The following KCTD8 variants were observed in gnomAD, a reference collection of about 807,000 sequenced individuals.
KCTD8 encodes the protein potassium channel tetramerization domain containing 8, also known as BTB/POZ domain-containing protein KCTD8.
A neutral mutation model predicts 31.5 loss-of-function variants in KCTD8; 27 were observed. The observed-to-expected ratio is 0.86, with a 90% confidence interval of 0.63 to 1.18. KCTD8 has a LOEUF of 1.18. Ranked by LOEUF, KCTD8 falls within the 50% of genes most tolerant of loss-of-function variation. The pLI is 0.00. For synonymous variants in KCTD8, 290 were observed against 280.0 expected (o/e 1.04, Z -0.36); for missense variants, 658 against 647.7 (o/e 1.02, Z -0.17).
chr4:44,384,170 G>C (rs543035325), intron 1 of KCTD8, among the ~76,000 whole-genome samples: 1 of 151,860 alleles, frequency 6.6e-6, no homozygotes, highest in South Asian at 2.1e-4. Flanking sequence ...AATAACAAAT[G>C]CTGGTGAGGA....
intron 1 of KCTD8, among the ~76,000 whole-genome samples, chr4:44,358,719 C>T (rs1719412398): frequency 6.6e-6 from 1 of 152,138 alleles, no homozygotes; most frequent in Non-Finnish European, 1.5e-5. Context: ...CAGGTGCCCA[C>T]CACCACACCC....
intron 1 of KCTD8, among the ~76,000 whole-genome samples, chr4:44,247,298 C>A (rs963966473): frequency 2.4e-4 from 36 of 151,892 alleles, no homozygotes; most frequent in African/African-American, 8.2e-4. Context: ...TTTGGTGATC[C>A]ACATTTTCCC....
intron 1 of KCTD8, among the ~76,000 whole-genome samples, chr4:44,321,796 T>C (rs1718303079): frequency 6.6e-6 from 1 of 152,110 alleles, no homozygotes. Flanking sequence ...ACCTTTCTAG[T>C]CTCTACCTCC....
At chr4:44,283,032 TTA>T (rs1257804405) in intron 1 of KCTD8, among the ~76,000 whole-genome samples, 1 of 50,812 alleles carries the variant, frequency 2.0e-5, no homozygotes, top group Non-Finnish European at 5.6e-5. Context: ...CATTTTATTA[TTA>T]TTATTATTAT....
chr4:44,422,209 C>A (rs562463400), intron 1 of KCTD8, among the ~76,000 whole-genome samples: 1 of 152,116 alleles, frequency 6.6e-6, no homozygotes, highest in African/African-American at 2.4e-5. Flanking sequence ...ATAGAAAGTG[C>A]TCAATTTAAA....
chr4:44,262,356 C>T (rs1057437983), intron 1 of KCTD8, among the ~76,000 whole-genome samples: 1 of 151,962 alleles, frequency 6.6e-6, no homozygotes, highest in Non-Finnish European at 1.5e-5. Flanking sequence ...CACTACCCTA[C>T]TCTCTCCATG....
intron 1 of KCTD8, among the ~76,000 whole-genome samples, chr4:44,335,800 A>C (rs1009424863): frequency 6.6e-6 from 1 of 152,168 alleles, no homozygotes; most frequent in Non-Finnish European, 1.5e-5. Context: ...AAAGAGAAAA[A>C]CATCCTTTGA....
chr4:44,224,473 A>C (rs1437772344), intron 1 of KCTD8, among the ~76,000 whole-genome samples: 1 of 152,172 alleles, frequency 6.6e-6, no homozygotes, highest in Non-Finnish European at 1.5e-5. Context: ...TTTCAGTGAT[A>C]TCCATCTGCG....
chr4:44,174,799 A>G lies in KCTD8; in HGVS notation c.1413T>C (p.Tyr471=). The change falls in exon 2 of 2, where the codon TAT becomes TAC. Residue 471 remains tyrosine, a synonymous_variant. Coordinates refer to ENST00000360029, the MANE Select transcript of KCTD8 (RefSeq NM_198353.3). The part of the protein sequence containing the change: ...RQWQSELLQK[Y]GL ...AGGAATGTGACAATTACTATAACCC[A>G]TACTTCTGCAACAGTTCAGATTGCC... is the stretch of plus-strand genomic sequence containing the variant. 1.2e-6 allele frequency: 2 copies of G among 1,602,796 alleles called. No homozygotes were observed. Among genetic ancestry groups the G allele is most frequent in the East Asian group, 2.2e-5 (1 of 44,836 alleles).
At chr4:44,236,324 G>A (rs1715290320) in intron 1 of KCTD8, among the ~76,000 whole-genome samples, 1 of 152,206 alleles carries the variant, frequency 6.6e-6, no homozygotes. Context: ...GGAAGAAGGA[G>A]ACAGATGCAG....
chr4:44,368,053 T>C (rs1407908799), intron 1 of KCTD8, among the ~76,000 whole-genome samples: 3 of 151,702 alleles, frequency 2.0e-5, no homozygotes, highest in Non-Finnish European at 2.9e-5. Flanking sequence ...TCTTGAAGAG[T>C]TTCTTCAGTG....
chr4:44,302,493 G>A (rs921806959), intron 1 of KCTD8, among the ~76,000 whole-genome samples: 3 of 152,080 alleles, frequency 2.0e-5, no homozygotes, highest in Non-Finnish European at 4.4e-5. Context: ...GTGAATGGGA[G>A]TTCACTCATG....
chr4:44,441,577 A>G (rs1310061945), intron 1 of KCTD8, among the ~76,000 whole-genome samples: 5 of 152,184 alleles, frequency 3.3e-5, no homozygotes, highest in Admixed American at 2.0e-4. Flanking sequence ...ACTGCCAGAA[A>G]CAGGCATTAT....
chr4:44,355,886 G>A (rs1719328659), intron 1 of KCTD8, among the ~76,000 whole-genome samples: 1 of 152,000 alleles, frequency 6.6e-6, no homozygotes, highest in Non-Finnish European at 1.5e-5. Context: ...TTTAATACAG[G>A]AACTAAACTG....
chr4:44,395,750 C>T (rs547165950), intron 1 of KCTD8, among the ~76,000 whole-genome samples: 166 of 152,028 alleles, frequency 1.1e-3, no homozygotes, highest in Non-Finnish European at 2.1e-3. Context: ...TTTCTTCTCA[C>T]GGCTGTGTCA....
chr4:44,396,097 C>T (rs1293581401), intron 1 of KCTD8, among the ~76,000 whole-genome samples: 3 of 151,994 alleles, frequency 2.0e-5, no homozygotes, highest in Non-Finnish European at 2.9e-5. Context: ...ATGGTCCCAT[C>T]TGGGGGTGAT....
intron 1 of KCTD8, among the ~76,000 whole-genome samples, chr4:44,283,022 C>A (rs1044549048): frequency 1.2e-4 from 17 of 139,396 alleles, no homozygotes; most frequent in African/African-American, 4.6e-4. Flanking sequence ...AAAAACAACA[C>A]ATTTTATTAT....
chr4:44,391,123 G>T (rs62306874), intron 1 of KCTD8, among the ~76,000 whole-genome samples: 31,030 of 151,774 alleles, frequency 0.2, 3,372 homozygotes, highest in East Asian at 0.39. Flanking sequence ...TGGGAGCTAA[G>T]CTATGAAGAT....
chr4:44,379,297 T>G (rs2109441658), intron 1 of KCTD8, among the ~76,000 whole-genome samples: 1 of 152,250 alleles, frequency 6.6e-6, no homozygotes, highest in Non-Finnish European at 1.5e-5. Flanking sequence ...TTACTTACAC[T>G]TTGAGTACAC....
Sources: allele counts gnomAD v4.1 joint callset (sites outside exome capture counted in the v4.1 genomes callset), GRCh38; gene constraint gnomAD v4.1.1; transcripts MANE v1.5; gene names NCBI Gene and HGNC (gene_info 2026-07-23, HGNC 2026-07-21).